Variants in LDB3 observed in about 807,000 individuals in gnomAD.
LDB3 encodes LIM domain-binding protein 3.
In LDB3, 49 loss-of-function variants were observed where a neutral mutation model predicts 69.0. The ratio of observed to expected loss-of-function variants is 0.71; its 90% confidence interval spans 0.56 to 0.90. The LOEUF (loss-of-function observed/expected upper bound fraction) is 0.90, where lower values mean the gene tolerates loss of function less well. Ranked by LOEUF, LDB3 falls within the 40% of genes least tolerant of loss-of-function variation. The pLI is 0.00. For missense variants in LDB3, 928 were observed against 974.1 expected (o/e 0.95, Z 0.63); for synonymous variants, 387 against 396.2 (o/e 0.98, Z 0.28).
At chr10:86,727,803 C>G (rs537877534) in intron 13 of LDB3, among the ~76,000 whole-genome samples, 88 of 151,758 alleles carry the variant, frequency 5.8e-4, no homozygotes, top group African/African-American at 2.0e-3. Flanking sequence ...ACATTCTCCT[C>G]TGAGTGTGTC....
At chr10:86,710,093 C>T (rs1435580611) in intron 9 of LDB3, 43 bp downstream of exon 9, 8 of 1,603,250 alleles carry the variant, frequency 5.0e-6, no homozygotes, top group East Asian at 4.5e-5. Context: ...AAGCCATGGG[C>T]GGGCTCCAGG....
At chr10:86,731,081 G>C (rs1847438407) in intron 13 of LDB3, among the ~76,000 whole-genome samples, 1 of 151,018 alleles carries the variant, frequency 6.6e-6, no homozygotes, top group Admixed American at 6.6e-5. Flanking sequence ...CTTGAACCCG[G>C]GAGGCAGAGG....
intron 5 of LDB3, among the ~76,000 whole-genome samples, chr10:86,684,949 G>A (rs1845379555): frequency 1.3e-5 from 2 of 152,170 alleles, no homozygotes; most frequent in Admixed American, 1.3e-4. Context: ...AGAGGAAGGG[G>A]CCTCTCACTG....
chr10:86,735,011 G>T lies in LDB3; in HGVS notation c.*2035G>T, dbSNP rs1207312743. 8.6e-6 allele frequency: 1 copy of T among 116,830 alleles called. No individual in the cohort carries two copies. The allele number at this position is 116,830 out of a possible 1,614,324, so 7.2% of individuals were successfully genotyped here. A position where few individuals can be genotyped will look rare whatever the true frequency, so the allele number is the denominator to read the frequency against. On this transcript the variant is annotated 3_prime_UTR_variant, in exon 14 of 14. Coordinates refer to ENST00000361373, the MANE Select transcript of LDB3 (RefSeq NM_007078.3). ...TGAGGAAGGAAAAAAAAAAAAAAAC[G>T]TTCCCAGAATTCAGTTTCCAAAATC... is the stretch of plus-strand genomic sequence containing the variant.
chr10:86,667,331 A>C (rs1844221629), upstream of LDB3, among the ~76,000 whole-genome samples: 1 of 152,160 alleles, frequency 6.6e-6, no homozygotes, highest in Admixed American at 6.5e-5. Flanking sequence ...GCAAGCAGCC[A>C]ACCCAGTTGC....
At chr10:86,723,131 G>A (rs1030961941) in intron 12 of LDB3, among the ~76,000 whole-genome samples, 6 of 151,704 alleles carry the variant, frequency 4.0e-5, no homozygotes, top group East Asian at 1.9e-4. Context: ...GTAGCCGACC[G>A]TGGTGGTGCA....
In LDB3 at chr10:86,718,081, T is replaced by C. The variant is rs2132485636; in HGVS notation, c.1794T>C (p.Cys598=). The C allele has an allele frequency of 1.9e-6, 3 of 1,614,178 alleles. No individual in the cohort carries two copies. The highest frequency in any genetic ancestry group is 1.7e-6 in the Non-Finnish European group (2 of 1,180,026). Reference sequence around the variant, plus strand: ...TGGAAGAGCAGAACAACGTTTACTGTGAGCGATGTTATGAGCAATTCTTTG... The same window carrying C: ...TGGAAGAGCAGAACAACGTTTACTGCGAGCGATGTTATGAGCAATTCTTTG... ...CFVEEQNNVY[C]ERCYEQFFAP... is the part of the protein sequence containing the mutation. The change falls in exon 11 of 14, where the codon TGT becomes TGC. Residue 598 remains cysteine (C), a synonymous_variant. Coordinates refer to ENST00000361373, the MANE Select transcript of LDB3 (RefSeq NM_007078.3).
Position 86,699,279 on chromosome 10 carries a change from G to T in LDB3, c.896+6708G>T, listed in dbSNP as rs568517409. 1 of 1,612,706 alleles carries T rather than the reference G, an allele frequency of 6.2e-7. No homozygotes were observed. Among genetic ancestry groups the T allele is most frequent in the East Asian group, 2.2e-5 (1 of 44,804 alleles). Reference sequence around the variant, plus strand: ...TCTCTCTCTCTCTCTGTGCCACAGGGAAAGGTTTGAAACGGAACGTAACAG... The same window carrying T: ...TCTCTCTCTCTCTCTGTGCCACAGGTAAAGGTTTGAAACGGAACGTAACAG... On this transcript the variant is annotated intron_variant, in intron 7 of 13. Coordinates refer to ENST00000361373, the MANE Select transcript of LDB3 (RefSeq NM_007078.3). The surrounding 1 kb of genome is among the most constrained non-coding windows in gnomAD (Gnocchi z 4.9).
At chr10:86,732,442 T>C (rs1847500748) in intron 13 of LDB3, 1 of 452,866 alleles carries the variant, frequency 2.2e-6, no homozygotes, top group Non-Finnish European at 4.4e-6. Flanking sequence ...TCATTAAGAA[T>C]TCATAGTGGG....
At position 86,735,013 on chromosome 10, in the gene LDB3, TC is replaced by T. The variant is rs1847579514; in HGVS notation, c.*2040del. ...AGGAAGGAAAAAAAAAAAAAAACGT[TC>T]CCAGAATTCAGTTTCCAAAATCTCT... On this transcript the variant is annotated 3_prime_UTR_variant, in exon 14 of 14. Transcript: ENST00000361373. The T allele has an allele frequency of 7.4e-6, 1 of 135,736 alleles. No homozygotes were observed. The highest frequency in any genetic ancestry group is 1.6e-5 in the Non-Finnish European group (1 of 63,966). 8.4% of individuals were successfully genotyped at this position (135,736 alleles called of 1,614,324 possible).
Position 86,692,552 on chromosome 10 carries a change from G to T in LDB3, c.877G>T (p.Glu293Ter), listed in dbSNP as rs746670128. ...ACCAACAGTGCAAGACCCTGATGAA[G>T]AAGCTCTGCGAAGGTCAAGGTAAGT... ...GTEFMQDPDEEALRRSSTPIE... is the reference protein window; with the variant it reads ...GTEFMQDPDE The change falls in exon 7 of 14, where the codon GAA (glutamate) becomes TAA (stop). Residue 293 changes from glutamate (E) to a stop codon, truncating the protein, a stop_gained. Transcript: ENST00000361373. LOFTEE classifies it high-confidence loss of function. The T allele has an allele frequency of 1.2e-6, 2 of 1,614,242 alleles. No homozygotes were observed. Among genetic ancestry groups the T allele is most frequent in the Non-Finnish European group, 1.7e-6 (2 of 1,180,040 alleles).
Position 86,706,516 on chromosome 10 carries a change from G to T in LDB3, c.897-15G>T. On this transcript the variant is annotated splice_polypyrimidine_tract_variant and intron_variant, in intron 7 of 13. Transcript: ENST00000361373. Reference sequence around the variant, plus strand: ...GCTCCCTTGACCTGTTGTCTTTTTGGTCCCGCCTCATCAGCACCCCTATTG... The same window carrying T: ...GCTCCCTTGACCTGTTGTCTTTTTGTTCCCGCCTCATCAGCACCCCTATTG... The T allele has an allele frequency of 3.7e-6, 6 of 1,611,128 alleles. No individual in the cohort carries two copies. The highest frequency in any genetic ancestry group is 3.4e-6 in the Non-Finnish European group (4 of 1,179,950).
Position 86,685,750 on chromosome 10 carries a change from A to T in LDB3, c.689+3947A>T, listed in dbSNP as rs1473016498. On this transcript the variant is annotated intron_variant, in intron 5 of 13. Coordinates refer to ENST00000361373, the MANE Select transcript of LDB3 (RefSeq NM_007078.3). Reference sequence around the variant, plus strand: ...TGTGCGCTTGCGTGCCAGCCCCAGCATGTGTCTGCGTGTGTCTGGCGTGGA... The same window carrying T: ...TGTGCGCTTGCGTGCCAGCCCCAGCTTGTGTCTGCGTGTGTCTGGCGTGGA... The T allele has an allele frequency of 2.5e-6, 4 of 1,607,382 alleles. No individual in the cohort carries two copies. In the African/African-American group the frequency reaches 5.3e-5, roughly 21 times the overall value.
intron 9 of LDB3, among the ~76,000 whole-genome samples, chr10:86,715,350 G>A (rs547400108): frequency 6.6e-6 from 1 of 152,280 alleles, no homozygotes; most frequent in Admixed American, 6.5e-5. Context: ...CTCACTGGAA[G>A]AGGAAGCCAG....
intron 2 of LDB3, among the ~76,000 whole-genome samples, chr10:86,673,041 C>G (rs1056109287): frequency 1.3e-5 from 2 of 152,272 alleles, no homozygotes; most frequent in African/African-American, 2.4e-5. Context: ...CTCCTCTACA[C>G]TGAGCCCTCC....
chr10:86,688,089 G>GTA lies in LDB3; in HGVS notation c.690-3806_690-3805insAT, dbSNP rs1410039579. Among the ~76,000 whole-genome samples, 1,038 of 130,986 alleles carry GTA rather than the reference G, an allele frequency of 7.9e-3. 10 individuals are homozygous for GTA. The highest frequency in any genetic ancestry group is 0.03 in the African/African-American group (921 of 30,440). 85.9% of individuals were successfully genotyped at this position (130,986 alleles called of 152,430 possible). A position where few individuals can be genotyped will look rare whatever the true frequency, so the allele number is the denominator to read the frequency against. Reference sequence around the variant, plus strand: ...TGTGTGTGTGTGTGTGTGTGTATGTGTCTGTCTATCTGTTGTTTCTTTTTT... The same window carrying GTA: ...TGTGTGTGTGTGTGTGTGTGTATGTGTATCTGTCTATCTGTTGTTTCTTTTTT... On this transcript the variant is annotated intron_variant, in intron 5 of 13. Coordinates refer to ENST00000361373, the MANE Select transcript of LDB3 (RefSeq NM_007078.3).
chr10:86,668,574 A>C lies in LDB3; in HGVS notation c.-24+4A>C. ...TGGGCAGCAAGGGACAGAACAGGCA[A>C]GGCTGGGGGTCAGGGGCAGGGGCAG... On this transcript the variant is annotated splice_donor_region_variant and intron_variant, in intron 1 of 13. Transcript: ENST00000361373. 4 of 828,006 alleles carry C rather than the reference A, an allele frequency of 4.8e-6. No homozygotes were observed. Among genetic ancestry groups the C allele is most frequent in the Non-Finnish European group, 8.4e-6 (4 of 476,150 alleles). The allele number at this position is 828,006 out of a possible 1,614,324, so 51.3% of individuals were successfully genotyped here. A position where few individuals can be genotyped will look rare whatever the true frequency, so the allele number is the denominator to read the frequency against.
chr10:86,675,872 A>C (rs1844767288), intron 2 of LDB3, among the ~76,000 whole-genome samples: 2 of 152,230 alleles, frequency 1.3e-5, no homozygotes, highest in African/African-American at 4.8e-5. Context: ...GATCACATAG[A>C]GGAGTAGGGA....
rs772734712 is a variant in LDB3, at chr10:86,679,402, C to T, written c.129C>T (p.Leu43=). The T allele has an allele frequency of 1.2e-6, 2 of 1,614,194 alleles. No individual in the cohort carries two copies. Among genetic ancestry groups the T allele is most frequent in the Non-Finnish European group, 8.5e-7 (1 of 1,180,032 alleles). The change falls in exon 3 of 14, where the codon CTC becomes CTT. Residue 43 remains leucine, a synonymous_variant. Transcript: ENST00000361373. ...TPGSKAAQSQ[L]SQGDLVVAID... ...GCAGCAAGGCAGCCCAGTCCCAGCT[C>T]AGCCAGGGTGACCTCGTGGTGGCCA...
Sources: gnomAD v4.1 joint callset for allele counts (sites outside exome capture counted in the v4.1 genomes callset) on GRCh38, gnomAD v4.1.1 for gene constraint, Gnocchi (gnomAD v3.1) non-coding constraint, MANE v1.5 for transcripts, NCBI Gene and HGNC (gene_info 2026-07-23, HGNC 2026-07-21) for gene names.